The following VPS13B variants were observed in gnomAD, a reference collection of about 807,000 sequenced individuals.
VPS13B encodes vacuolar protein sorting 13 homolog B.
Under a neutral mutation model 426.4 loss-of-function variants are expected in VPS13B, and 285 were observed. The ratio of observed to expected loss-of-function variants is 0.67; its 90% confidence interval spans 0.61 to 0.74. The LOEUF is 0.74. Ranked by LOEUF, VPS13B falls within the 30% of genes least tolerant of loss-of-function variation. The pLI is 0.00. For synonymous variants in VPS13B, 1,676 were observed against 1,676.4 expected (o/e 1.00, Z 0.01); for missense variants, 4,537 against 4,782.6 (o/e 0.95, Z 1.51).
rs141396453 is a variant in VPS13B at position 99,297,560 on chromosome 8, T to G, written c.2824+22306T>G. ...GCTAATTCTTTTCTTCCTTTTTTCT[T>G]TTTACAAAATGAAAATGTCATTTTA... is the stretch of plus-strand genomic sequence containing the variant. On this transcript the variant is annotated intron_variant, in intron 19 of 61. Coordinates refer to ENST00000357162, the MANE Select transcript of VPS13B (RefSeq NM_152564.5). Among the ~76,000 whole-genome samples the G allele has an allele frequency of 6.3e-3, 962 of 152,350 alleles. 8 individuals are homozygous for G. The highest frequency in any genetic ancestry group is 0.022 in the African/African-American group (903 of 41,578).
intron 19 of VPS13B, among the ~76,000 whole-genome samples, chr8:99,319,523 G>A (rs1230428118): frequency 6.6e-6 from 1 of 152,164 alleles, no homozygotes; most frequent in Admixed American, 6.5e-5. Context: ...ATGTACGACT[G>A]TTCTTTGTTG....
intron 56 of VPS13B, among the ~76,000 whole-genome samples, chr8:99,858,638 T>C (rs919687327): frequency 3.3e-5 from 5 of 151,908 alleles, no homozygotes; most frequent in African/African-American, 1.2e-4. Flanking sequence ...TGAGCCGAGA[T>C]TGCACCACTG....
intron 40 of VPS13B, among the ~76,000 whole-genome samples, chr8:99,774,914 TTGTC>T (rs2130659253): frequency 6.6e-6 from 1 of 152,332 alleles, no homozygotes; most frequent in African/African-American, 2.4e-5. Flanking sequence ...TCTGTTTTCT[TTGTC>T]TGCAATGGAG....
intron 51 of VPS13B, among the ~76,000 whole-genome samples, chr8:99,826,993 C>T (rs1368778161): frequency 3.3e-5 from 5 of 151,726 alleles, no homozygotes; most frequent in Admixed American, 6.6e-5. Flanking sequence ...TGAGCATTTT[C>T]GCATCAGTGT....
chr8:99,413,078 G>C (rs541004425), intron 21 of VPS13B, among the ~76,000 whole-genome samples: 8 of 152,194 alleles, frequency 5.3e-5, no homozygotes, highest in Non-Finnish European at 1.2e-4. Flanking sequence ...CTCATAAAAT[G>C]AGTTAGGAAG....
intron 19 of VPS13B, among the ~76,000 whole-genome samples, chr8:99,383,947 A>G (rs1161867303): frequency 6.6e-6 from 1 of 152,196 alleles, no homozygotes; most frequent in East Asian, 1.9e-4. Flanking sequence ...TTGTGTGGGC[A>G]TAAGTTTTCG....
intron 19 of VPS13B, among the ~76,000 whole-genome samples, chr8:99,321,879 T>A (rs1297665349): frequency 6.6e-6 from 1 of 152,216 alleles, no homozygotes; most frequent in Non-Finnish European, 1.5e-5. Context: ...TCTTTGGAAA[T>A]TAAAAGGTTC....
intron 39 of VPS13B, 82 bp downstream of exon 39, chr8:99,721,129 C>A: frequency 7.3e-7 from 1 of 1,364,170 alleles, no homozygotes; most frequent in Non-Finnish European, 1.0e-6. Flanking sequence ...TTGGAACATA[C>A]TTACTTCTTA....
chr8:99,171,801 T>G (rs1812349842), intron 16 of VPS13B, among the ~76,000 whole-genome samples: 1 of 152,108 alleles, frequency 6.6e-6, no homozygotes. Flanking sequence ...AAAAAAAACT[T>G]TAGTAACTGT....
At chr8:99,163,753 A>G (rs1006879168) in intron 15 of VPS13B, among the ~76,000 whole-genome samples, 3 of 151,154 alleles carry the variant, frequency 2.0e-5, no homozygotes, top group Non-Finnish European at 4.4e-5. Context: ...AGCGCCGCAC[A>G]CAGCCCCGGT....
At chr8:99,838,761 G>A (rs1051665729) in intron 54 of VPS13B, among the ~76,000 whole-genome samples, 2 of 152,236 alleles carry the variant, frequency 1.3e-5, no homozygotes, top group African/African-American at 4.8e-5. Context: ...CAGCAGACAA[G>A]TTTGAGAGGT....
At chr8:99,823,746 G>A in intron 50 of VPS13B, 86 bp from the exon 51 acceptor site, 1 of 1,431,316 alleles carries the variant, frequency 7.0e-7, no homozygotes, top group Non-Finnish European at 9.8e-7. Context: ...CAGACAATTA[G>A]ATAAAATAAC....
chr8:99,543,534 A>T (rs1032639254), intron 30 of VPS13B, among the ~76,000 whole-genome samples: 1 of 152,070 alleles, frequency 6.6e-6, no homozygotes, highest in Non-Finnish European at 1.5e-5. Flanking sequence ...CAACCTACAA[A>T]ATGGGAGAAA....
At chr8:99,347,026 T>G (rs1181345154) in intron 19 of VPS13B, 1 of 155,276 alleles carries the variant, frequency 6.4e-6, no homozygotes, top group African/African-American at 2.4e-5. Context: ...CACTGGCCAA[T>G]GCAGGGGCCA....
In VPS13B at chr8:99,022,482, A is replaced by C. The variant is rs558444831; in HGVS notation, c.147+8547A>C. On this transcript the variant is annotated intron_variant, in intron 2 of 61. Transcript: ENST00000357162. ...ATTTAATTCCACTGTGGTCAGCAGC[A>C]CATTGTCTGTATGATTTTAATTTAT... 2.6e-5 allele frequency among the ~76,000 whole-genome samples: 4 copies of C among 152,258 alleles called. No individual in the cohort carries two copies. The South Asian group carries it at 8.3e-4, about 32-fold the overall frequency.
intron 31 of VPS13B, among the ~76,000 whole-genome samples, chr8:99,567,703 C>T (rs765637742): frequency 2.6e-5 from 4 of 152,034 alleles, no homozygotes; most frequent in South Asian, 4.1e-4. Flanking sequence ...TATTTCCACA[C>T]CTCTCTGTAC....
At chr8:99,091,068 A>G (rs1846119793) in intron 3 of VPS13B, among the ~76,000 whole-genome samples, 1 of 152,168 alleles carries the variant, frequency 6.6e-6, no homozygotes, top group Admixed American at 6.6e-5. Flanking sequence ...TTTCTCTGAT[A>G]TATGTTCTGG....
intron 33 of VPS13B, among the ~76,000 whole-genome samples, chr8:99,616,176 G>T (rs562018872): frequency 1.3e-5 from 2 of 152,194 alleles, no homozygotes; most frequent in South Asian, 4.1e-4. Context: ...TACCATTTTG[G>T]CAGGGAGAGG....
intron 30 of VPS13B, chr8:99,536,948 G>A: frequency 2.5e-6 from 1 of 396,172 alleles, no homozygotes. Flanking sequence ...TTCGATGATA[G>A]AACTTATATT....
Sources: gnomAD v4.1 joint callset for allele counts (sites outside exome capture counted in the v4.1 genomes callset) on GRCh38, gnomAD v4.1.1 for gene constraint, MANE v1.5 for transcripts, NCBI Gene and HGNC (gene_info 2026-07-23, HGNC 2026-07-21) for gene names.